ATG16L1: variants seen among roughly 807,000 people sequenced by gnomAD.
ATG16L1 encodes the protein autophagy related 16 like 1.
ATG16L1 carries 37 observed loss-of-function variants against 88.5 expected under a neutral mutation model. That is an observed-to-expected ratio of 0.42 (90% CI 0.32 to 0.55). The LOEUF (loss-of-function observed/expected upper bound fraction) is 0.55. Among genes scored for constraint, ATG16L1 ranks in the 20% least tolerant of loss-of-function variants. ATG16L1 has a pLI of 0.13. For synonymous variants in ATG16L1, 301 were observed against 281.0 expected, an observed-to-expected ratio of 1.07 and a Z score of -0.71; for missense variants, 554 against 752.8, an observed-to-expected ratio of 0.74 and a Z score of 3.09.
chr2:233,292,058 T>G (rs1183266002), intron 14 of ATG16L1, 70 bp from the exon 15 acceptor site: 1 of 1,560,456 alleles, frequency 6.4e-7, no homozygotes, highest in Non-Finnish European at 8.7e-7. Context: ...GTGCCTTTTT[T>G]TTCCTCCACG....
In ATG16L1 at chr2:233,251,678, G is replaced by C; in HGVS notation, c.-150G>C. 1.5e-6 allele frequency: 1 copy of C among 674,436 alleles called. No homozygotes were observed. The highest frequency in any genetic ancestry group is 2.5e-5 in the Admixed American group (1 of 40,254). The allele number at this position is 674,436 out of a possible 1,614,324, so 41.8% of individuals were successfully genotyped here. ...CATTTCCGGCATGAGCCGGAAGACC[G>C]TCCCGGATGGCCTCGGGGACTGCCA... On this transcript the variant is annotated 5_prime_UTR_variant, in exon 1 of 18. Transcript: ENST00000392017.
chr2:233,290,042 G>A (rs1274014196), intron 13 of ATG16L1, 68 bp downstream of exon 13: 7 of 1,593,704 alleles, frequency 4.4e-6, no homozygotes, highest in Admixed American at 1.7e-5. Context: ...GTGTTTGCAC[G>A]TCAGAGCCTG....
intron 8 of ATG16L1, chr2:233,274,198 G>A (rs760322817): frequency 3.6e-5 from 27 of 751,702 alleles, no homozygotes; most frequent in Non-Finnish European, 5.4e-5. Flanking sequence ...GAGCAGGGCT[G>A]CCAGGTTGAA....
chr2:233,269,437 A>G (rs938615414), intron 5 of ATG16L1, among the ~76,000 whole-genome samples: 1 of 152,210 alleles, frequency 6.6e-6, no homozygotes, highest in Non-Finnish European at 1.5e-5. Context: ...CTTGAGTGCC[A>G]ACATGACACT....
At chr2:233,289,550 A>C (rs1411552348) in intron 12 of ATG16L1, among the ~76,000 whole-genome samples, 1 of 152,202 alleles carries the variant, frequency 6.6e-6, no homozygotes, top group African/African-American at 2.4e-5. Flanking sequence ...CACTCCCTGC[A>C]AATTTTTAAA....
chr2:233,260,034 A>T (rs551679954), intron 2 of ATG16L1, among the ~76,000 whole-genome samples: 2 of 152,266 alleles, frequency 1.3e-5, no homozygotes, highest in East Asian at 3.9e-4. Context: ...ACTCAAAGGG[A>T]CATTTGCTAG....
In ATG16L1 at chr2:233,262,844, C is replaced by G. The variant is rs1470623723; in HGVS notation, c.210-286C>G. Among the ~76,000 whole-genome samples the G allele has an allele frequency of 2.6e-5, 4 of 152,206 alleles. No homozygotes were observed. In the South Asian group the frequency reaches 8.3e-4, roughly 32 times the overall value. Reference sequence around the variant, plus strand: ...CAGGTCCTTGCTGAGCCAGTGGGCCCTGTTGGTGCCTGTTACTGGGACTTC... The same window carrying G: ...CAGGTCCTTGCTGAGCCAGTGGGCCGTGTTGGTGCCTGTTACTGGGACTTC... On this transcript the variant is annotated intron_variant, in intron 2 of 17. Transcript: ENST00000392017.
At chr2:233,278,438 C>G (rs551545141) in intron 10 of ATG16L1, among the ~76,000 whole-genome samples, 1 of 152,344 alleles carries the variant, frequency 6.6e-6, no homozygotes, top group East Asian at 1.9e-4. Flanking sequence ...CACACATTAT[C>G]CCTGTCGAGC....
chr2:233,274,594 G>T (rs1032799332), intron 8 of ATG16L1, 82 bp from the exon 9 acceptor site: 1 of 1,049,432 alleles, frequency 9.5e-7, no homozygotes, highest in African/African-American at 1.6e-5. Context: ...AAGCAAGGTC[G>T]TCTTGGAGTC....
chr2:233,270,189 C>T, intron 6 of ATG16L1, 122 bp downstream of exon 6: 1 of 776,514 alleles, frequency 1.3e-6, no homozygotes, highest in South Asian at 2.4e-5. Flanking sequence ...GTTGCCCAGG[C>T]TGGAGTGCAG....
At chr2:233,259,722 C>G (rs1697068112) in intron 2 of ATG16L1, among the ~76,000 whole-genome samples, 2 of 152,184 alleles carry the variant, frequency 1.3e-5, no homozygotes, top group Admixed American at 6.5e-5. Flanking sequence ...TTGTTTTCCA[C>G]TAGTCATCTA....
chr2:233,266,460 A>T (rs1435129759), intron 5 of ATG16L1, among the ~76,000 whole-genome samples: 2 of 152,218 alleles, frequency 1.3e-5, no homozygotes, highest in East Asian at 3.8e-4. Context: ...CCCCATCCAG[A>T]AACAAACAAA....
intron 9 of ATG16L1, chr2:233,275,973 T>C (rs1574876155): frequency 1.9e-6 from 1 of 518,934 alleles, no homozygotes; most frequent in South Asian, 1.4e-5. Flanking sequence ...GGTGTGATGG[T>C]GCATGATCTC....
chr2:233,286,158 G>A (rs567447997), intron 12 of ATG16L1, among the ~76,000 whole-genome samples: 34 of 152,236 alleles, frequency 2.2e-4, no homozygotes, highest in African/African-American at 7.7e-4. Context: ...CATTCTTCTG[G>A]AATCGGCTGT....
At chr2:233,257,946 G>A (rs553610814) in intron 2 of ATG16L1, among the ~76,000 whole-genome samples, 5 of 149,964 alleles carry the variant, frequency 3.3e-5, no homozygotes, top group African/African-American at 1.2e-4. Context: ...AAGTTGCAGT[G>A]AGCCAAGATT....
In ATG16L1 at chr2:233,264,009, T is replaced by C; in HGVS notation, c.333T>C (p.Ile111=). The stretch of plus-strand genomic sequence containing the variant: ...TCTCCCAGTTAGCTCAACTGGTGAT[T>C]GACCTGAATAACCAAATGCAGCGGA... The part of the protein sequence containing the change: ...KKRGELAQLV[I]DLNNQMQRKD... Residue 111 remains isoleucine (I), a synonymous_variant, in exon 4 of 18, where the codon ATT becomes ATC. Transcript: ENST00000392017. The C allele has an allele frequency of 8.7e-6, 14 of 1,614,102 alleles. No individual in the cohort carries two copies. The highest frequency in any genetic ancestry group is 1.1e-5 in the Non-Finnish European group (13 of 1,179,944).
At chr2:233,258,241 T>TCCA (rs777278196) in intron 2 of ATG16L1, among the ~76,000 whole-genome samples, 49 of 152,196 alleles carry the variant, frequency 3.2e-4, no homozygotes, top group Non-Finnish European at 4.7e-4. Flanking sequence ...CTCTGAAATC[T>TCCA]CCACACATTT....
intron 14 of ATG16L1, 59 bp downstream of exon 14, chr2:233,290,412 T>C: frequency 7.4e-7 from 1 of 1,356,002 alleles, no homozygotes; most frequent in Non-Finnish European, 1.1e-6. Context: ...AATGGTTCTG[T>C]ACATGGGTTG....
chr2:233,263,296 G>T (rs943779818), intron 3 of ATG16L1, 61 bp downstream of exon 3: 3 of 1,470,614 alleles, frequency 2.0e-6, no homozygotes, highest in African/African-American at 1.4e-5. Context: ...GTGGGGAGCG[G>T]GGGAGCTCAG....
Sources: allele counts gnomAD v4.1 joint callset (sites outside exome capture counted in the v4.1 genomes callset), GRCh38; gene constraint gnomAD v4.1.1; transcripts MANE v1.5; gene names NCBI Gene and HGNC (gene_info 2026-07-23, HGNC 2026-07-21).